Variants in RNASEH1 observed in about 807,000 individuals in gnomAD.
RNASEH1 encodes the protein ribonuclease H1, also known as ribonuclease H type II.
Under a neutral mutation model 34.6 loss-of-function variants are expected in RNASEH1, and 27 were observed. The ratio of observed to expected loss-of-function variants is 0.78; its 90% CI spans 0.58 to 1.08. The LOEUF is 1.08. Ranked by LOEUF, RNASEH1 falls within the 50% of genes least tolerant of loss-of-function variation. The pLI is 0.00. For missense variants in RNASEH1, 349 were observed against 373.6 expected (o/e 0.93, Z 0.54); for synonymous variants, 162 against 138.4 (o/e 1.17, Z -1.20).
At chr2:3,534,779 G>GA in the RNASEH1 span, among the ~76,000 whole-genome samples, 13 of 152,336 alleles carry the variant, frequency 8.5e-5, no homozygotes, top group African/African-American at 3.1e-4. Flanking sequence ...AAGTGGCACA[G>GA]AAAAAATCCT....
At position 3,545,784 on chromosome 2, in the gene RNASEH1, C is replaced by G; in HGVS notation, c.*1G>C. On this transcript the variant is annotated 3_prime_UTR_variant, in exon 8 of 8. Coordinates refer to ENST00000315212, the MANE Select transcript of RNASEH1 (RefSeq NM_002936.6). ...TCTCCCAAGGACTAAAGTCACATGG[C>G]TCAGTCTTCCGATTGTTTAGCTCCT... 6.2e-7 allele frequency: 1 copy of G among 1,609,460 alleles called. No individual in the cohort carries two copies. Among genetic ancestry groups the G allele is most frequent in the Non-Finnish European group, 8.5e-7 (1 of 1,175,722 alleles).
chr2:3,548,910 CA>C (rs1669016463), intron 5 of RNASEH1, 147 bp downstream of exon 5: 1 of 856,754 alleles, frequency 1.2e-6, no homozygotes, highest in Non-Finnish European at 1.9e-6. Context: ...AATTTTTCTA[CA>C]AAATTCCTAT....
intron 1 of RNASEH1, among the ~76,000 whole-genome samples, 171 bp from the exon 2 acceptor site, chr2:3,557,075 T>C (rs1018576736): frequency 6.6e-6 from 1 of 152,244 alleles, no homozygotes; most frequent in African/African-American, 2.4e-5. Context: ...CTTAAGTCCT[T>C]TGCATAAAAT....
chr2:3,549,201 A>G, intron 4 of RNASEH1, 89 bp from the exon 5 acceptor site: 2 of 974,430 alleles, frequency 2.1e-6, no homozygotes, highest in Non-Finnish European at 3.3e-6. Flanking sequence ...ACTAGTGTGT[A>G]TTCTTATTTG....
intron 7 of RNASEH1, among the ~76,000 whole-genome samples, chr2:3,547,214 G>A (rs1205825927): frequency 6.6e-6 from 1 of 152,190 alleles, no homozygotes; most frequent in African/African-American, 2.4e-5. Context: ...GTCTCACTCT[G>A]TCGCCCAGGC....
Position 3,550,448 on chromosome 2 carries a change from T to C in RNASEH1, c.434A>G (p.Asp145Gly), listed in dbSNP as rs1669188357. 1 of 1,613,998 alleles carries C rather than the reference T, an allele frequency of 6.2e-7. No individual in the cohort carries two copies. Among genetic ancestry groups the C allele is most frequent in the Non-Finnish European group, 8.5e-7 (1 of 1,179,996 alleles). Residue 145 changes from aspartate to glycine, a missense_variant, in exon 4 of 8, where the codon GAT (aspartate) becomes GGT (glycine). Around this residue, in one of 2 missense-constraint regions of RNASEH1, gnomAD observed 256 missense variants for 240.7 expected, o/e 1.06. Transcript: ENST00000315212. The part of the protein sequence containing the change: ...YMGDFVVVYT[D>G]GCCSSNGRRR... ...ACGCCCATTACTGGAGCAGCAGCCA[T>C]CAGTGTAGACGACGACGAAGTCTCC...
intron 7 of RNASEH1, 21 bp from the exon 8 acceptor site, chr2:3,545,892 C>T: frequency 6.4e-7 from 1 of 1,569,864 alleles, no homozygotes; most frequent in South Asian, 1.1e-5. Flanking sequence ...AAATGTTTTC[C>T]TTTTATTTTT....
chr2:3,547,236 G>A (rs1193202544), intron 7 of RNASEH1, among the ~76,000 whole-genome samples: 2 of 152,176 alleles, frequency 1.3e-5, no homozygotes, highest in Non-Finnish European at 2.9e-5. Context: ...AGAGTACAGT[G>A]GTACAATCTT....
At chr2:3,538,913 G>A (rs1028256854), downstream of RNASEH1, among the ~76,000 whole-genome samples, 9 of 152,220 alleles carry the variant, frequency 5.9e-5, no homozygotes, top group African/African-American at 2.2e-4. Flanking sequence ...ATATCATACA[G>A]AGAAATGATG....
chr2:3,550,253 C>A, intron 4 of RNASEH1, 120 bp downstream of exon 4: 3 of 848,622 alleles, frequency 3.5e-6, no homozygotes, highest in Non-Finnish European at 6.1e-6. Flanking sequence ...TCCTCTGCCA[C>A]CCCTGCCAGA....
At chr2:3,535,801 G>A in the RNASEH1 span, among the ~76,000 whole-genome samples, 1 of 152,204 alleles carries the variant, frequency 6.6e-6, no homozygotes, top group Non-Finnish European at 1.5e-5. Context: ...GGAGCTGGGG[G>A]AGAAGGTGCG....
Position 3,552,257 on chromosome 2 carries a change from A to G in RNASEH1, c.296T>C (p.Leu99Pro). The change falls in exon 3 of 8, where the codon CTC becomes CCC. Residue 99 changes from leucine (L) to proline (P), a missense_variant. Leu to Pro is a moderately conservative substitution (Grantham distance 98). Transcript: ENST00000315212. ...QESEAKASKR[L>P]REPLDGDGHE... ...TCCATCTCCATCCAGTGGCTCACGGAGTCGCTTGCTGGCTTTCGCCTCCGA... is the reference window on the plus strand; with the variant it reads ...TCCATCTCCATCCAGTGGCTCACGGGGTCGCTTGCTGGCTTTCGCCTCCGA... The G allele has an allele frequency of 1.2e-6, 2 of 1,614,036 alleles. No homozygotes were observed. Among genetic ancestry groups the G allele is most frequent in the Non-Finnish European group, 1.7e-6 (2 of 1,180,002 alleles).
chr2:3,548,940 A>C, intron 5 of RNASEH1, 118 bp downstream of exon 5: 1 of 954,774 alleles, frequency 1.0e-6, no homozygotes, highest in East Asian at 2.4e-5. Context: ...ATTGTTATTA[A>C]ACCCGTCTCT....
At chr2:3,557,794 T>C in intron 1 of RNASEH1, 5 of 1,079,326 alleles carry the variant, frequency 4.6e-6, no homozygotes, top group Non-Finnish European at 6.5e-6. Flanking sequence ...GAAAGTCTTC[T>C]GGTAACGGGG....
chr2:3,555,691 G>C (rs1236630371), intron 2 of RNASEH1, among the ~76,000 whole-genome samples: 1 of 152,076 alleles, frequency 6.6e-6, no homozygotes, highest in Non-Finnish European at 1.5e-5. Context: ...AAGTTTGTAA[G>C]TAACATTCAC....
the RNASEH1 span, chr2:3,532,303 T>C: frequency 4.3e-6 from 3 of 702,240 alleles, no homozygotes; most frequent in African/African-American, 3.5e-5. Context: ...CAGCAGTTTA[T>C]AATGATGCTG....
In RNASEH1 at chr2:3,558,241, A is replaced by T; in HGVS notation, c.20T>A (p.Leu7Gln). 1 of 1,594,524 alleles carries T rather than the reference A, an allele frequency of 6.3e-7. No individual in the cohort carries two copies. Among genetic ancestry groups the T allele is most frequent in the Non-Finnish European group, 8.5e-7 (1 of 1,173,210 alleles). Residue 7 changes from leucine (L) to glutamine (Q), a missense_variant, in exon 1 of 8, where the codon CTG becomes CAG. Physicochemically the swap from Leu to Gln is moderately radical, Grantham distance 113 (BLOSUM62 -2). Transcript: ENST00000315212. ...GGCGGCCAAGGCGACTCTGTGGGCC[A>T]GGAACAGAAGCCAGCTCATCGCTCA... MSWLLF[L>Q]AHRVALAALP...
At position 3,542,957 on chromosome 2, in the gene RNASEH1, GATCTGAAATACC is replaced by G. The variant is rs1354456652; in HGVS notation, c.*2816_*2827del. ...CAATAGCAATGAGCATCCTAAACTGGATCTGAAATACCATCTCTACCAGAGACTCTGGGAAAA... is the reference window on the plus strand; with the variant it reads ...CAATAGCAATGAGCATCCTAAACTGGATCTCTACCAGAGACTCTGGGAAAA... On this transcript the variant is annotated 3_prime_UTR_variant, in exon 8 of 8. Transcript: ENST00000315212. 7.9e-5 allele frequency among the ~76,000 whole-genome samples: 12 copies of G among 152,150 alleles called. No individual in the cohort carries two copies. Among genetic ancestry groups the G allele is most frequent in the African/African-American group, 2.9e-4 (12 of 41,410 alleles).
Position 3,558,156 on chromosome 2 carries a change from G to A in RNASEH1, c.105C>T (p.Arg35=), listed in dbSNP as rs776284901. The A allele has an allele frequency of 6.9e-6, 11 of 1,602,216 alleles. No individual in the cohort carries two copies. In the South Asian group the frequency reaches 1.1e-4, roughly 16 times the overall value. Residue 35 remains arginine (R), a synonymous_variant, in exon 1 of 8, where the codon CGC becomes CGT. Transcript: ENST00000315212. The stretch of plus-strand genomic sequence containing the variant: ...ACCAGGTCAGAAAGACCCCGGTCTT[G>A]CGGCCCCTCCTCACGGCATAGAACA... ...FGMFYAVRRG[R]KTGVFLTWNE... is the part of the protein sequence containing the mutation.
Sources: gnomAD v4.1 joint callset for allele counts (sites outside exome capture counted in the v4.1 genomes callset) on GRCh38, gnomAD v4.1.1 for gene constraint, gnomAD v4.1.1 regional missense constraint, MANE v1.5 for transcripts, NCBI Gene and HGNC (gene_info 2026-07-23, HGNC 2026-07-21) for gene names.